Variants in TRIM51G observed in about 807,000 individuals in gnomAD.
The protein encoded by TRIM51G is tripartite motif-containing protein 51G.
chr11:48,975,946 C>A, the TRIM51G span: 1 of 728,200 alleles, frequency 1.4e-6, no homozygotes, highest in South Asian at 1.3e-5. Context: ...TCTCAAATCT[C>A]CATGCAGGAA....
chr11:48,982,948 T>TGTGA, the TRIM51G span, among the ~76,000 whole-genome samples: 74 of 10,574 alleles, frequency 7.0e-3, no homozygotes, highest in African/African-American at 0.019. Flanking sequence ...GTATTTTTGG[T>TGTGA]ATATATACAT....
the TRIM51G span, among the ~76,000 whole-genome samples, chr11:48,978,542 G>A: frequency 5.3e-5 from 8 of 152,200 alleles, no homozygotes; most frequent in Admixed American, 2.6e-4. Flanking sequence ...CTCCAAATTA[G>A]CCTAAATGCC....
the TRIM51G span, chr11:48,981,530 T>C: frequency 1.2e-6 from 2 of 1,603,902 alleles, no homozygotes; most frequent in Non-Finnish European, 1.7e-6. Flanking sequence ...GTTGTCTTCT[T>C]GCATTTAGAG....
chr11:48,982,684 C>G, the TRIM51G span, among the ~76,000 whole-genome samples: 4 of 151,748 alleles, frequency 2.6e-5, no homozygotes, highest in South Asian at 2.1e-4. Flanking sequence ...TTCAACTTCT[C>G]AGACTCCATA....
the TRIM51G span, among the ~76,000 whole-genome samples, chr11:48,983,457 G>A: frequency 6.6e-6 from 1 of 151,906 alleles, no homozygotes; most frequent in South Asian, 2.1e-4. Flanking sequence ...AGTACATGCA[G>A]TACACATATA....
At chr11:48,975,923 C>A in the TRIM51G span, 1 of 748,432 alleles carries the variant, frequency 1.3e-6, no homozygotes, top group South Asian at 1.3e-5. Context: ...GGGTCACATC[C>A]AACCTTCATG....
the TRIM51G span, among the ~76,000 whole-genome samples, chr11:48,977,369 T>C: frequency 1.3e-5 from 2 of 152,286 alleles, no homozygotes; most frequent in East Asian, 1.9e-4. Flanking sequence ...GATGGAAAAG[T>C]CTATCTGACT....
At chr11:48,983,752 G>A in the TRIM51G span, among the ~76,000 whole-genome samples, 15 of 152,024 alleles carry the variant, frequency 9.9e-5, no homozygotes, top group Non-Finnish European at 1.6e-4. Context: ...AAGGTTCTAT[G>A]AATGTTTCCT....
At chr11:48,979,802 C>CATATATAT in the TRIM51G span, among the ~76,000 whole-genome samples, 9 of 147,550 alleles carry the variant, frequency 6.1e-5, no homozygotes, top group African/African-American at 2.2e-4. Context: ...CATATATATC[C>CATATATAT]ATATATATAT....
the TRIM51G span, chr11:48,975,700 T>C: frequency 1.3e-6 from 2 of 1,531,094 alleles, no homozygotes; most frequent in Non-Finnish European, 1.8e-6. Flanking sequence ...GCAGTGAGTG[T>C]CCTCCTTAAC....
At chr11:48,983,471 G>A in the TRIM51G span, among the ~76,000 whole-genome samples, 73,462 of 151,822 alleles carry the variant, frequency 0.48, 19,848 homozygotes, top group Non-Finnish European at 0.59. Context: ...ACATATATAG[G>A]TTTTAATGTG....
At chr11:48,983,063 T>G in the TRIM51G span, among the ~76,000 whole-genome samples, 259 of 81,242 alleles carry the variant, frequency 3.2e-3, 1 homozygote, top group African/African-American at 0.011. Context: ...CCCTTGGCAG[T>G]TTGAAGTCCT....
At chr11:48,983,156 T>A in the TRIM51G span, among the ~76,000 whole-genome samples, 1 of 126,368 alleles carries the variant, frequency 7.9e-6, no homozygotes, top group East Asian at 2.5e-4. Flanking sequence ...TTTTCAGAGG[T>A]CATCTGAGCC....
the TRIM51G span, chr11:48,978,029 A>G: frequency 2.6e-5 from 12 of 457,452 alleles, no homozygotes; most frequent in South Asian, 1.6e-4. Context: ...AAGTACAACC[A>G]GCACAAGGTA....
At chr11:48,975,996 A>G in the TRIM51G span, 1 of 627,302 alleles carries the variant, frequency 1.6e-6, no homozygotes, top group Admixed American at 2.0e-5. Flanking sequence ...GAGTAAGATA[A>G]ACTGCAAAAA....
the TRIM51G span, chr11:48,981,615 G>T: frequency 2.5e-6 from 4 of 1,600,148 alleles, no homozygotes; most frequent in Non-Finnish European, 3.4e-6. Context: ...CACAGTCTAT[G>T]GTGACTGGGT....
chr11:48,982,391 T>G, the TRIM51G span, among the ~76,000 whole-genome samples: 2 of 152,108 alleles, frequency 1.3e-5, no homozygotes, highest in African/African-American at 4.8e-5. Context: ...GTATTACAGT[T>G]AATTATAGGT....
the TRIM51G span, among the ~76,000 whole-genome samples, chr11:48,980,599 G>C: frequency 9.6e-3 from 1,466 of 152,170 alleles, 21 homozygotes; most frequent in African/African-American, 0.033. Context: ...CATGTGTCCA[G>C]AATTTATCCA....
At chr11:48,976,022 A>G in the TRIM51G span, 1 of 518,644 alleles carries the variant, frequency 1.9e-6, no homozygotes, top group Non-Finnish European at 3.6e-6. Flanking sequence ...TTAAAAAAGT[A>G]TAGATACATG....
Sources: gnomAD v4.1 joint callset for allele counts (sites outside exome capture counted in the v4.1 genomes callset) on GRCh38, gnomAD v4.1.1 for gene constraint, MANE v1.5 for transcripts, NCBI Gene and HGNC (gene_info 2026-07-23, HGNC 2026-07-21) for gene names.